KCTD8: variants seen among roughly 807,000 people sequenced by gnomAD.
KCTD8 encodes the protein potassium channel tetramerization domain containing 8.
KCTD8 carries 27 observed loss-of-function variants against 31.5 expected under a neutral mutation model. That is an observed-to-expected ratio of 0.86 (90% confidence interval 0.63 to 1.18). The LOEUF (loss-of-function observed/expected upper bound fraction) is 1.18. KCTD8 is among the 50% of genes most tolerant of loss of function. The pLI is 0.00. For missense variants in KCTD8, 658 were observed against 647.7 expected (o/e 1.02, Z -0.17); for synonymous variants, 290 against 280.0 (o/e 1.04, Z -0.36).
chr4:44,282,603 C>T (rs1056790857), intron 1 of KCTD8, among the ~76,000 whole-genome samples: 1 of 152,062 alleles, frequency 6.6e-6, no homozygotes, highest in Non-Finnish European at 1.5e-5. Flanking sequence ...AAAATCTGAA[C>T]CTCTTGCACC....
intron 1 of KCTD8, among the ~76,000 whole-genome samples, chr4:44,181,163 C>G (rs1334912955): frequency 4.0e-5 from 6 of 151,362 alleles, no homozygotes; most frequent in Admixed American, 3.3e-4. Context: ...CCCTCTCCCT[C>G]TCCCTCTCCC....
intron 1 of KCTD8, among the ~76,000 whole-genome samples, chr4:44,400,476 C>G (rs556601853): frequency 7.3e-4 from 111 of 151,884 alleles, no homozygotes; most frequent in Admixed American, 9.8e-4. Context: ...CACCTGTAAT[C>G]CCAACACTTT....
At chr4:44,436,197 C>T (rs1173041023) in intron 1 of KCTD8, among the ~76,000 whole-genome samples, 2 of 151,994 alleles carry the variant, frequency 1.3e-5, no homozygotes, top group Non-Finnish European at 2.9e-5. Context: ...TGCCTAAAAA[C>T]AAAAGAAGTT....
intron 1 of KCTD8, among the ~76,000 whole-genome samples, chr4:44,320,558 G>A (rs1718268313): frequency 6.6e-6 from 1 of 152,034 alleles, no homozygotes; most frequent in African/African-American, 2.4e-5. Context: ...CATTTTGGTG[G>A]TATAGAGAGA....
chr4:44,365,001 C>T (rs1719592995), intron 1 of KCTD8, among the ~76,000 whole-genome samples: 1 of 152,006 alleles, frequency 6.6e-6, no homozygotes, highest in Non-Finnish European at 1.5e-5. Flanking sequence ...AGATACATGA[C>T]ATTGTACACT....
At position 44,448,318 on chromosome 4, in the gene KCTD8, G is replaced by T; in HGVS notation, c.206C>A (p.Thr69Asn). ...HSTLLSVPDS[T>N]LASMFSPSSP... Reference sequence around the variant, plus strand: ...AGAGGGCGAGAACATGCTGGCCAAAGTACTGTCCGGGACGCTGAGCAGCGT... The same window carrying T: ...AGAGGGCGAGAACATGCTGGCCAAATTACTGTCCGGGACGCTGAGCAGCGT... The change falls in exon 1 of 2, where the codon ACT becomes AAT. Residue 69 changes from threonine (T) to asparagine (N), a missense_variant. Thr to Asn is a moderately conservative substitution (Grantham distance 65, BLOSUM62 0). Coordinates refer to ENST00000360029, the MANE Select transcript of KCTD8 (RefSeq NM_198353.3). This position sits in a 1 kb window ranked among gnomAD's most constrained non-coding sequence, Gnocchi z 4.1. The T allele has an allele frequency of 6.2e-7, 1 of 1,604,378 alleles. No homozygotes were observed.
chr4:44,338,628 G>A (rs537142107), intron 1 of KCTD8, among the ~76,000 whole-genome samples: 114 of 152,254 alleles, frequency 7.5e-4, no homozygotes, highest in African/African-American at 2.7e-3. Flanking sequence ...CACACGTGTG[G>A]TTTCGATTTC....
At chr4:44,327,338 A>G (rs776865703) in intron 1 of KCTD8, among the ~76,000 whole-genome samples, 2 of 151,818 alleles carry the variant, frequency 1.3e-5, no homozygotes, top group African/African-American at 4.8e-5. Context: ...TTTTACCCCC[A>G]GGTAAGTATT....
At chr4:44,296,864 C>T (rs1237567887) in intron 1 of KCTD8, among the ~76,000 whole-genome samples, 1 of 152,036 alleles carries the variant, frequency 6.6e-6, no homozygotes, top group Non-Finnish European at 1.5e-5. Context: ...AAAGATTATA[C>T]TATCCTCAGG....
chr4:44,408,735 C>T (rs1720873915), intron 1 of KCTD8, among the ~76,000 whole-genome samples: 1 of 152,056 alleles, frequency 6.6e-6, no homozygotes, highest in South Asian at 2.1e-4. Flanking sequence ...TCCTCTGCCT[C>T]AGCCTCCCAA....
chr4:44,416,080 T>C (rs1721073166), intron 1 of KCTD8, among the ~76,000 whole-genome samples: 1 of 152,248 alleles, frequency 6.6e-6, no homozygotes, highest in Non-Finnish European at 1.5e-5. Context: ...AGCCCACTCC[T>C]TGCACCAGTG....
At chr4:44,336,149 CAAAAAAAAAAAAAAAAA>C (rs58161667) in intron 1 of KCTD8, among the ~76,000 whole-genome samples, 1 of 46,526 alleles carries the variant, frequency 2.1e-5, no homozygotes, top group Non-Finnish European at 3.8e-5. Flanking sequence ...GACTCCGTCT[CAAAAAAAAAAAAAAAAA>C]AAAAAAAAAA....
At chr4:44,283,040 AT>A in intron 1 of KCTD8, among the ~76,000 whole-genome samples, 2 of 85,720 alleles carry the variant, frequency 2.3e-5, no homozygotes, top group Non-Finnish European at 6.3e-5. Context: ...TATTATTATT[AT>A]TATTATTATT....
At chr4:44,299,701 C>A (rs564447336) in intron 1 of KCTD8, among the ~76,000 whole-genome samples, 2 of 151,056 alleles carry the variant, frequency 1.3e-5, no homozygotes, top group Non-Finnish European at 2.9e-5. Flanking sequence ...GCACTCCAAC[C>A]TGGCAACAGA....
intron 1 of KCTD8, among the ~76,000 whole-genome samples, chr4:44,321,711 A>T (rs1199946004): frequency 1.3e-5 from 2 of 152,034 alleles, no homozygotes; most frequent in African/African-American, 4.8e-5. Flanking sequence ...CCTTTCTCTA[A>T]TTGTATTGTT....
chr4:44,181,587 G>T (rs550770604), intron 1 of KCTD8, among the ~76,000 whole-genome samples: 4 of 152,116 alleles, frequency 2.6e-5, no homozygotes, highest in Admixed American at 1.3e-4. Context: ...GCGTGATCTC[G>T]GCTAGCTACA....
chr4:44,251,648 T>C (rs1179239836), intron 1 of KCTD8, among the ~76,000 whole-genome samples: 1 of 151,590 alleles, frequency 6.6e-6, no homozygotes, highest in African/African-American at 2.4e-5. Context: ...CAAATTTTTA[T>C]GTTAATAGGG....
intron 1 of KCTD8, among the ~76,000 whole-genome samples, chr4:44,339,283 CACTA>C (rs1401415735): frequency 6.6e-6 from 1 of 151,996 alleles, no homozygotes; most frequent in Non-Finnish European, 1.5e-5. Context: ...TTTAAAGGGG[CACTA>C]ACTATTATTC....
intron 1 of KCTD8, among the ~76,000 whole-genome samples, chr4:44,415,437 A>C (rs1391916007): frequency 6.6e-6 from 1 of 152,198 alleles, no homozygotes; most frequent in Admixed American, 6.5e-5. Context: ...TGGTGCTAAT[A>C]TCAAAGACAA....
Sources: gnomAD v4.1 joint callset for allele counts (sites outside exome capture counted in the v4.1 genomes callset) on GRCh38, gnomAD v4.1.1 for gene constraint, Gnocchi (gnomAD v3.1) non-coding constraint, MANE v1.5 for transcripts, NCBI Gene and HGNC (gene_info 2026-07-23, HGNC 2026-07-21) for gene names.